The following MEMO1 variants were observed in gnomAD, a reference collection of about 807,000 sequenced individuals.
MEMO1 encodes mediator of cell motility 1, also known as protein MEMO1.
Under a neutral mutation model 45.2 loss-of-function variants are expected in MEMO1, and 6 were observed. The ratio of observed to expected loss-of-function variants is 0.13; its 90% CI spans 0.07 to 0.26. The LOEUF (loss-of-function observed/expected upper bound fraction) is 0.26. Among genes scored for constraint, MEMO1 ranks in the 10% least tolerant of loss-of-function variants. The pLI is 1.00. For missense variants in MEMO1, 184 were observed against 370.5 expected, an observed-to-expected ratio of 0.50 and a Z score of 4.13; for synonymous variants, 78 against 124.3, an observed-to-expected ratio of 0.63 and a Z score of 2.48.
chr2:31,888,925 A>T (rs1676558209), intron 7 of MEMO1, among the ~76,000 whole-genome samples: 2 of 152,060 alleles, frequency 1.3e-5, no homozygotes, highest in Non-Finnish European at 2.9e-5. Context: ...TTATTTCTCT[A>T]ATGTCTCTTT....
At chr2:31,970,928 CAGA>C (rs1013053239) in intron 2 of MEMO1, among the ~76,000 whole-genome samples, 1 of 152,176 alleles carries the variant, frequency 6.6e-6, no homozygotes, top group Non-Finnish European at 1.5e-5. Flanking sequence ...CACTTGAACC[CAGA>C]AGGTGGAGGT....
intron 2 of MEMO1, among the ~76,000 whole-genome samples, chr2:31,969,608 T>G (rs990766429): frequency 3.3e-5 from 5 of 150,280 alleles, no homozygotes; most frequent in South Asian, 2.1e-4. Flanking sequence ...TGTGTGTGTG[T>G]GTGTGTGTGT....
intron 2 of MEMO1, among the ~76,000 whole-genome samples, chr2:31,962,092 G>A (rs909364981): frequency 6.6e-6 from 1 of 152,056 alleles, no homozygotes; most frequent in Non-Finnish European, 1.5e-5. Flanking sequence ...AATTGTTCAG[G>A]TTGATACAAA....
At chr2:31,928,810 T>C (rs1210414257) in intron 4 of MEMO1, among the ~76,000 whole-genome samples, 1 of 152,162 alleles carries the variant, frequency 6.6e-6, no homozygotes, top group Non-Finnish European at 1.5e-5. Context: ...TTTTCCCAAT[T>C]TTACACAATG....
At chr2:31,946,227 A>G (rs1361718966) in intron 2 of MEMO1, among the ~76,000 whole-genome samples, 2 of 152,186 alleles carry the variant, frequency 1.3e-5, no homozygotes, top group Non-Finnish European at 2.9e-5. Context: ...GTCAATCTGG[A>G]TATGAAATGG....
chr2:31,939,513 AAACTC>A (rs1404415051), intron 3 of MEMO1, among the ~76,000 whole-genome samples: 2 of 152,196 alleles, frequency 1.3e-5, no homozygotes, highest in Non-Finnish European at 2.9e-5. Flanking sequence ...TATGAATACT[AAACTC>A]AACTTAATTA....
At chr2:31,920,631 A>G (rs2148175305) in intron 5 of MEMO1, among the ~76,000 whole-genome samples, 167 bp downstream of exon 5, 1 of 152,300 alleles carries the variant, frequency 6.6e-6, no homozygotes, top group East Asian at 1.9e-4. Context: ...CCTTTTAGGG[A>G]TATGGAAGAG....
At chr2:31,958,912 A>G (rs995994818) in intron 2 of MEMO1, among the ~76,000 whole-genome samples, 2 of 152,216 alleles carry the variant, frequency 1.3e-5, no homozygotes, top group Non-Finnish European at 2.9e-5. Context: ...CAGCCTCACA[A>G]AGTGCTGGGA....
chr2:32,006,964 CAAAAAA>C (rs67557055), intron 2 of MEMO1, among the ~76,000 whole-genome samples: 2 of 75,978 alleles, frequency 2.6e-5, no homozygotes, highest in African/African-American at 5.0e-5. Context: ...GATTCCATCT[CAAAAAA>C]AAAAAAAAAA....
intron 2 of MEMO1, among the ~76,000 whole-genome samples, chr2:31,987,834 T>C (rs1030435311): frequency 5.9e-5 from 9 of 152,176 alleles, no homozygotes; most frequent in South Asian, 2.1e-4. Flanking sequence ...AAAAAGCAGA[T>C]AGGGTCCCAG....
chr2:31,927,717 A>T (rs1020171207), intron 4 of MEMO1, among the ~76,000 whole-genome samples: 3 of 150,000 alleles, frequency 2.0e-5, no homozygotes, highest in Non-Finnish European at 3.0e-5. Flanking sequence ...TCTCATTTTT[A>T]AAAATGTTAT....
intron 2 of MEMO1, among the ~76,000 whole-genome samples, chr2:31,960,262 C>T (rs915857717): frequency 6.6e-6 from 1 of 151,784 alleles, no homozygotes; most frequent in Non-Finnish European, 1.5e-5. Flanking sequence ...GGCTAAGAAT[C>T]CTGGAGCTAG....
At chr2:31,988,490 T>A (rs1431029041) in intron 2 of MEMO1, among the ~76,000 whole-genome samples, 2 of 152,048 alleles carry the variant, frequency 1.3e-5, no homozygotes, top group African/African-American at 4.8e-5. Flanking sequence ...GAGGTTGCAG[T>A]GAGCCAAGAT....
rs397800267 is a variant in MEMO1 at position 31,993,949 on chromosome 2, C to CTTTTTTTT, written c.61+16230_61+16237dup. On this transcript the variant is annotated intron_variant, in intron 2 of 9. Transcript: ENST00000404530. ...AATACAGAAATATCATCAATACTTT[C>CTTTTTTTT]TTTTTTTTTTTTTTTTTTTTTTTTT... 2.4e-3 allele frequency among the ~76,000 whole-genome samples: 179 copies of CTTTTTTTT among 73,612 alleles called. 21 individuals are homozygous for CTTTTTTTT. Among genetic ancestry groups the CTTTTTTTT allele is most frequent in the African/African-American group, 3.8e-3 (78 of 20,526 alleles). The allele number at this position is 73,612 out of a possible 152,430, so 48.3% of individuals were successfully genotyped here. A position where few individuals can be genotyped will look rare whatever the true frequency, so the allele number is the denominator to read the frequency against.
At chr2:31,997,157 A>C (rs1558565706) in intron 2 of MEMO1, among the ~76,000 whole-genome samples, 1 of 152,200 alleles carries the variant, frequency 6.6e-6, no homozygotes, top group Non-Finnish European at 1.5e-5. Flanking sequence ...TAATAAAGAC[A>C]AAAAACTTCC....
At chr2:31,902,956 TA>T (rs1018929543) in intron 6 of MEMO1, among the ~76,000 whole-genome samples, 5 of 151,930 alleles carry the variant, frequency 3.3e-5, no homozygotes, top group African/African-American at 4.8e-5. Context: ...TGAATTCTAA[TA>T]AAAAAATACA....
chr2:31,948,946 G>A (rs1666492194), intron 2 of MEMO1, among the ~76,000 whole-genome samples: 1 of 151,994 alleles, frequency 6.6e-6, no homozygotes, highest in Admixed American at 6.6e-5. Flanking sequence ...TCAAAAATGG[G>A]CAAAAATCTT....
chr2:31,943,160 G>A (rs1224784394), intron 3 of MEMO1, 142 bp downstream of exon 3: 13 of 676,124 alleles, frequency 1.9e-5, no homozygotes, highest in Non-Finnish European at 2.6e-6. Flanking sequence ...AACTGCTCAG[G>A]AGGTTGAGGC....
chr2:32,004,260 T>G (rs1572958253), intron 2 of MEMO1, among the ~76,000 whole-genome samples: 1 of 151,358 alleles, frequency 6.6e-6, no homozygotes, highest in East Asian at 1.9e-4. Flanking sequence ...AGAAGATAGA[T>G]GCAATATGTA....
Sources: gnomAD v4.1 joint callset for allele counts (sites outside exome capture counted in the v4.1 genomes callset) on GRCh38, gnomAD v4.1.1 for gene constraint, MANE v1.5 for transcripts, NCBI Gene and HGNC (gene_info 2026-07-23, HGNC 2026-07-21) for gene names.